The following CCDC7 variants were observed in gnomAD, a reference collection of about 807,000 sequenced individuals.
CCDC7 encodes coiled-coil domain-containing protein 7.
CCDC7 carries 183 observed loss-of-function variants against 196.9 expected under a neutral mutation model. The observed-to-expected ratio is 0.93, with a 90% CI of 0.82 to 1.05. The LOEUF is 1.05. Among genes scored for constraint, CCDC7 ranks in the 50% least tolerant of loss-of-function variants. The pLI, the probability that CCDC7 is intolerant of heterozygous loss-of-function variation, is 0.00. For missense variants in CCDC7, 1,540 were observed against 1,482.2 expected, an observed-to-expected ratio of 1.04 and a Z score of -0.64; for synonymous variants, 525 against 484.6, an observed-to-expected ratio of 1.08 and a Z score of -1.10.
chr10:32,859,686 AAAGAG>A (rs199968268), intron 41 of CCDC7, among the ~76,000 whole-genome samples: 10,164 of 152,230 alleles, frequency 0.067, 419 homozygotes, highest in Middle Eastern at 0.092. Context: ...ATAAAAAAGA[AAAGAG>A]AAGAATCAAA....
intron 41 of CCDC7, among the ~76,000 whole-genome samples, chr10:32,870,111 G>GT (rs777664520): frequency 6.6e-6 from 1 of 152,128 alleles, no homozygotes; most frequent in African/African-American, 2.4e-5. Flanking sequence ...CTTTAAAGTA[G>GT]TTTTTTCCAA....
At chr10:32,584,832 G>A (rs1321650518) in intron 18 of CCDC7, among the ~76,000 whole-genome samples, 1 of 149,832 alleles carries the variant, frequency 6.7e-6, no homozygotes, top group African/African-American at 2.5e-5. Flanking sequence ...TAAGATCTGT[G>A]TAAAGGGGAA....
chr10:32,666,872 A>G (rs563002791), intron 21 of CCDC7, among the ~76,000 whole-genome samples: 2 of 152,196 alleles, frequency 1.3e-5, no homozygotes, highest in Admixed American at 1.3e-4. Flanking sequence ...ATGATTTATA[A>G]TCCTTTGGGT....
chr10:32,610,460 T>C (rs2061992245), intron 18 of CCDC7, among the ~76,000 whole-genome samples: 1 of 152,138 alleles, frequency 6.6e-6, no homozygotes, highest in Non-Finnish European at 1.5e-5. Flanking sequence ...CTGGGATACA[T>C]GTGCAGAATG....
chr10:32,800,050 A>G (rs145894100), intron 29 of CCDC7, among the ~76,000 whole-genome samples: 2,647 of 152,322 alleles, frequency 0.017, 38 homozygotes, highest in Admixed American at 0.029. Flanking sequence ...TCAAGCAATG[A>G]AACTACATCT....
At chr10:32,825,314 A>G (rs1177445974) in intron 32 of CCDC7, among the ~76,000 whole-genome samples, 1 of 152,138 alleles carries the variant, frequency 6.6e-6, no homozygotes, top group African/African-American at 2.4e-5. Context: ...AGAGATTAAC[A>G]TTTGAGTCAG....
rs575434636 is a variant in CCDC7, at chr10:32,692,037, C to T, written c.2345-2842C>T. On this transcript the variant is annotated intron_variant, in intron 23 of 41. Transcript: ENST00000639629. ...TGCCCCTTTCACTCCCTAAGTTAAA[C>T]AAGATTATTGCTTTATTGTGAAGGC... is the stretch of plus-strand genomic sequence containing the variant. Among the ~76,000 whole-genome samples, 228 of 152,296 alleles carry T rather than the reference C, an allele frequency of 1.5e-3. 2 individuals carry two copies. The highest frequency in any genetic ancestry group is 5.2e-3 in the African/African-American group (217 of 41,558).
rs2052038518 is a variant in CCDC7, at chr10:32,544,305, A to G, written c.1134+4A>G. 6.8e-6 allele frequency: 11 copies of G among 1,608,478 alleles called. No individual in the cohort carries two copies. In the South Asian group the frequency reaches 1.0e-4, roughly 15 times the overall value. ...AGAAGATTTGGATCAAGTACAGGTA[A>G]CACACCCACTCTCTCTATGCATCAA... is the stretch of plus-strand genomic sequence containing the variant. On this transcript the variant is annotated splice_donor_region_variant and intron_variant, in intron 13 of 41. Coordinates refer to ENST00000639629, the Ensembl canonical transcript of CCDC7.
At chr10:32,518,136 A>G (rs1357073584) in intron 10 of CCDC7, among the ~76,000 whole-genome samples, 161 bp downstream of exon 11, 2 of 152,134 alleles carry the variant, frequency 1.3e-5, no homozygotes, top group African/African-American at 4.8e-5. Flanking sequence ...AGCCTTGTCT[A>G]TTTTGTTCAT....
intron 11 of CCDC7, among the ~76,000 whole-genome samples, chr10:32,537,903 G>A (rs1429899973): frequency 1.3e-5 from 2 of 152,098 alleles, no homozygotes. Flanking sequence ...TAGCCCTTTA[G>A]TATAGTTTTA....
At chr10:32,861,911 A>G (rs1198399253) in intron 41 of CCDC7, among the ~76,000 whole-genome samples, 1 of 152,174 alleles carries the variant, frequency 6.6e-6, no homozygotes, top group East Asian at 1.9e-4. Context: ...AAAAGTCAGG[A>G]AACAACAGAT....
chr10:32,674,076 T>C (rs1057086254), intron 21 of CCDC7, among the ~76,000 whole-genome samples: 1 of 151,774 alleles, frequency 6.6e-6, no homozygotes, highest in Non-Finnish European at 1.5e-5. Flanking sequence ...TTTCATCAAT[T>C]TTTTCTATAT....
At chr10:32,501,786 G>A (rs977332901) in intron 9 of CCDC7, among the ~76,000 whole-genome samples, 12 of 152,172 alleles carry the variant, frequency 7.9e-5, no homozygotes, top group Admixed American at 7.9e-4. Context: ...GCCCCTACTG[G>A]GAGGTATCTC....
intron 8 of CCDC7, among the ~76,000 whole-genome samples, chr10:32,484,203 G>A (rs1041968071): frequency 2.0e-5 from 3 of 152,044 alleles, no homozygotes; most frequent in Admixed American, 1.3e-4. Flanking sequence ...CTTTGAAGAG[G>A]TCCTTCACAT....
chr10:32,512,159 G>C (rs923068689), intron 9 of CCDC7: 1 of 172,130 alleles, frequency 5.8e-6, no homozygotes, highest in African/African-American at 2.4e-5. Flanking sequence ...TTGATTTGTT[G>C]GATGGTTTGT....
intron 20 of CCDC7, among the ~76,000 whole-genome samples, chr10:32,650,859 G>T (rs1173796125): frequency 1.3e-5 from 2 of 152,294 alleles, no homozygotes; most frequent in Admixed American, 6.5e-5. Context: ...AAAACACCCA[G>T]TCTGGGCAGT....
At chr10:32,763,919 G>A (rs1481042448) in intron 28 of CCDC7, among the ~76,000 whole-genome samples, 1 of 151,770 alleles carries the variant, frequency 6.6e-6, no homozygotes, top group African/African-American at 2.4e-5. Context: ...GGTCATTATA[G>A]TTAATATTCT....
chr10:32,614,278 G>C (rs145481834), intron 18 of CCDC7, among the ~76,000 whole-genome samples: 7,851 of 124,932 alleles, frequency 0.063, 691 homozygotes, highest in African/African-American at 0.21. Context: ...CTTTCCATTT[G>C]CTTGGTAAAT....
chr10:32,480,813 T>C (rs913247760), intron 8 of CCDC7, among the ~76,000 whole-genome samples: 3 of 152,214 alleles, frequency 2.0e-5, no homozygotes, highest in African/African-American at 7.2e-5. Context: ...GAGAAAGCTC[T>C]ATATTCTCCT....
Sources: allele counts gnomAD v4.1 joint callset (sites outside exome capture counted in the v4.1 genomes callset), GRCh38; gene constraint gnomAD v4.1.1; transcripts MANE v1.5; gene names NCBI Gene and HGNC (gene_info 2026-07-23, HGNC 2026-07-21).